The following CTNNA3 variants were observed in gnomAD, a reference collection of about 807,000 sequenced individuals.
CTNNA3 encodes the protein catenin alpha 3, also known as catenin alpha-3.
CTNNA3 carries 76 observed loss-of-function variants against 95.7 expected under a neutral mutation model. The observed-to-expected ratio is 0.79, with a 90% CI of 0.66 to 0.96. CTNNA3 has a LOEUF of 0.96. CTNNA3 is among the 40% of genes least tolerant of loss of function. The pLI is 0.00. For missense variants in CTNNA3, 1,191 were observed against 1,089.8 expected, an observed-to-expected ratio of 1.09 and a Z score of -1.31; for synonymous variants, 431 against 374.4, an observed-to-expected ratio of 1.15 and a Z score of -1.74.
intron 7 of CTNNA3, among the ~76,000 whole-genome samples, chr10:67,148,908 G>A (rs749074209): frequency 3.3e-5 from 5 of 152,052 alleles, no homozygotes; most frequent in African/African-American, 4.8e-5. Flanking sequence ...TTCCCATTTT[G>A]GCTCCTCTTA....
chr10:66,921,741 CT>C (rs147637534), intron 7 of CTNNA3, among the ~76,000 whole-genome samples: 3,860 of 152,104 alleles, frequency 0.025, 98 homozygotes, highest in African/African-American at 0.07. Context: ...TTATATTTTT[CT>C]TTTTTTTCAT....
chr10:66,916,638 T>C (rs1282728690), intron 7 of CTNNA3, among the ~76,000 whole-genome samples: 2 of 152,154 alleles, frequency 1.3e-5, no homozygotes, highest in African/African-American at 4.8e-5. Flanking sequence ...TAGGATTCAT[T>C]TGTTGATAAG....
chr10:66,587,452 C>A lies in CTNNA3; in HGVS notation c.1374+34240G>T, dbSNP rs188386524. 9.2e-5 allele frequency among the ~76,000 whole-genome samples: 14 copies of A among 152,168 alleles called. 1 individual carries two copies. In the East Asian group the frequency reaches 2.5e-3, roughly 27 times the overall value. ...GTAATGGGTAGGGCCATGGAGCTCC[C>A]AAACATCCCTGTATATTGCACTGTG... On this transcript the variant is annotated intron_variant, in intron 10 of 17. Coordinates refer to ENST00000433211, the MANE Select transcript of CTNNA3 (RefSeq NM_013266.4).
intron 9 of CTNNA3, among the ~76,000 whole-genome samples, chr10:66,756,040 A>G (rs760607546): frequency 5.9e-5 from 9 of 152,148 alleles, no homozygotes; most frequent in Non-Finnish European, 1.2e-4. Flanking sequence ...TTTATTTTTA[A>G]ATTTATTTGA....
At chr10:67,538,816 C>A (rs1293743070) in intron 4 of CTNNA3, among the ~76,000 whole-genome samples, 3 of 152,020 alleles carry the variant, frequency 2.0e-5, no homozygotes, top group Admixed American at 1.3e-4. Flanking sequence ...AAAAAGAGTT[C>A]TTTGCAACCT....
chr10:67,112,547 A>G (rs1475487121), intron 7 of CTNNA3, among the ~76,000 whole-genome samples: 1 of 152,142 alleles, frequency 6.6e-6, no homozygotes, highest in East Asian at 1.9e-4. Flanking sequence ...AAGATAATGG[A>G]AGCTGATTTG....
intron 12 of CTNNA3, among the ~76,000 whole-genome samples, chr10:66,309,488 C>G (rs577715407): frequency 4.0e-5 from 6 of 150,980 alleles, no homozygotes; most frequent in Admixed American, 6.6e-5. Context: ...GTCAGGAGAT[C>G]GAGACCATCC....
intron 7 of CTNNA3, among the ~76,000 whole-genome samples, chr10:66,873,844 G>T (rs2132447529): frequency 6.6e-6 from 1 of 152,218 alleles, no homozygotes; most frequent in Non-Finnish European, 1.5e-5. Context: ...TCTTGACATG[G>T]ATCTTAGCAA....
intron 9 of CTNNA3, among the ~76,000 whole-genome samples, chr10:66,633,838 C>A (rs181628252): frequency 2.0e-5 from 3 of 152,084 alleles, no homozygotes; most frequent in Admixed American, 6.5e-5. Flanking sequence ...TCTATATCGA[C>A]TGAAGTTTTT....
chr10:66,750,648 A>C (rs756901889), intron 9 of CTNNA3, among the ~76,000 whole-genome samples: 2 of 152,204 alleles, frequency 1.3e-5, no homozygotes, highest in East Asian at 3.8e-4. Context: ...AGGTAATGTC[A>C]GTCCTCCAAT....
intron 7 of CTNNA3, among the ~76,000 whole-genome samples, chr10:66,944,101 T>C (rs931694550): frequency 1.3e-5 from 2 of 152,220 alleles, no homozygotes; most frequent in African/African-American, 4.8e-5. Flanking sequence ...GATTTCTCTA[T>C]AGCATATGGT....
intron 5 of CTNNA3, among the ~76,000 whole-genome samples, chr10:67,232,913 A>C (rs1316028252): frequency 6.6e-6 from 1 of 152,158 alleles, no homozygotes; most frequent in African/African-American, 2.4e-5. Flanking sequence ...AGAGACAAAG[A>C]AGGCCATTAC....
chr10:66,493,989 C>T (rs1172069242), intron 11 of CTNNA3, among the ~76,000 whole-genome samples: 1 of 135,550 alleles, frequency 7.4e-6, no homozygotes, highest in Non-Finnish European at 1.6e-5. Context: ...CTCACTGCAA[C>T]CTCCGCCTCC....
chr10:67,660,675 G>A (rs1840157634), intron 1 of CTNNA3, among the ~76,000 whole-genome samples: 1 of 152,110 alleles, frequency 6.6e-6, no homozygotes, highest in South Asian at 2.1e-4. Flanking sequence ...GCTCATGACT[G>A]TAATCCCAAC....
At chr10:66,448,769 T>TA (rs1564974675) in intron 11 of CTNNA3, among the ~76,000 whole-genome samples, 1 of 152,122 alleles carries the variant, frequency 6.6e-6, no homozygotes, top group Non-Finnish European at 1.5e-5. Context: ...ATGGCACATG[T>TA]ATACATATGT....
intron 13 of CTNNA3, among the ~76,000 whole-genome samples, chr10:66,270,124 T>C (rs2091244942): frequency 6.6e-6 from 1 of 151,716 alleles, no homozygotes; most frequent in Non-Finnish European, 1.5e-5. Flanking sequence ...CATGTTCTTG[T>C]CCTTAATTCC....
intron 12 of CTNNA3, among the ~76,000 whole-genome samples, chr10:66,308,557 T>C (rs2091962185): frequency 6.6e-6 from 1 of 152,188 alleles, no homozygotes; most frequent in Non-Finnish European, 1.5e-5. Context: ...AACAAAAACT[T>C]ATCAATTCTT....
intron 5 of CTNNA3, among the ~76,000 whole-genome samples, chr10:67,512,599 T>C (rs551545739): frequency 1.3e-5 from 2 of 152,300 alleles, no homozygotes; most frequent in African/African-American, 4.8e-5. Context: ...TTCTGTATTG[T>C]TTGTGTATCC....
intron 11 of CTNNA3, among the ~76,000 whole-genome samples, chr10:66,495,800 C>A (rs550737669): frequency 2.0e-5 from 3 of 151,966 alleles, no homozygotes; most frequent in African/African-American, 7.3e-5. Flanking sequence ...GGATTACAGG[C>A]GTGCACCACA....
Sources: allele counts gnomAD v4.1 joint callset (sites outside exome capture counted in the v4.1 genomes callset), GRCh38; gene constraint gnomAD v4.1.1; transcripts MANE v1.5; gene names NCBI Gene and HGNC (gene_info 2026-07-23, HGNC 2026-07-21).